The following SLC35E3 variants were observed in gnomAD, a reference collection of about 807,000 sequenced individuals.
The protein encoded by SLC35E3 is solute carrier family 35 member E3.
A neutral mutation model predicts 30.8 loss-of-function variants in SLC35E3; 28 were observed. The observed-to-expected ratio is 0.91, with a 90% CI of 0.67 to 1.25. The LOEUF (loss-of-function observed/expected upper bound fraction) is 1.25, where lower values mean the gene tolerates loss of function less well. Ranked by LOEUF, SLC35E3 falls within the 50% of genes most tolerant of loss-of-function variation. SLC35E3 has a pLI of 0.00. For synonymous variants in SLC35E3, 146 were observed against 149.2 expected (o/e 0.98, Z 0.16); for missense variants, 365 against 375.4 (o/e 0.97, Z 0.23).
In SLC35E3 at chr12:68,769,241, C is replaced by CAATAAT. The variant is rs10590682; in HGVS notation, c.*4366_*4371dup. On this transcript the variant is annotated 3_prime_UTR_variant, in exon 5 of 5. Transcript: ENST00000398004. ...TGGGCAACAGAGCAAGACTCCATCT[C>CAATAAT]AATAATAATAATAATAATAACAAAG... The CAATAAT allele has an allele frequency of 6.6e-6, 1 of 151,020 alleles. No homozygotes were observed. The highest frequency in any genetic ancestry group is 2.0e-4 in the East Asian group (1 of 5,108). 9.4% of individuals were successfully genotyped at this position (151,020 alleles called of 1,614,324 possible).
Position 68,762,844 on chromosome 12 carries a change from C to T in SLC35E3, c.756-1860C>T, listed in dbSNP as rs564681959. Among the ~76,000 whole-genome samples, 439 of 152,322 alleles carry T rather than the reference C, an allele frequency of 2.9e-3. 3 individuals are homozygous for T. The highest frequency in any genetic ancestry group is 6.3e-3 in the African/African-American group (263 of 41,566). ...TCAAGCCACCATATGCCCCTGGTGA[C>T]GCAGCCTGTGCTCTCCTGAGGCACT... On this transcript the variant is annotated intron_variant, in intron 4 of 4. Transcript: ENST00000398004.
chr12:68,767,580 T>C lies in SLC35E3; in HGVS notation c.*2690T>C, dbSNP rs1297895323. On this transcript the variant is annotated 3_prime_UTR_variant, in exon 5 of 5. Transcript: ENST00000398004. ...ATACCTTTTGATAAGACAGTAAATT[T>C]TATGTTTTGTGTTTTTTAACACAAT... 1.3e-5 allele frequency: 2 copies of C among 151,802 alleles called. No homozygotes were observed. The highest frequency in any genetic ancestry group is 4.8e-5 in the African/African-American group (2 of 41,346). 9.4% of individuals were successfully genotyped at this position (151,802 alleles called of 1,614,324 possible). A position where few individuals can be genotyped will look rare whatever the true frequency, so the allele number is the denominator to read the frequency against.
chr12:68,749,250 G>A (rs1308090321), intron 2 of SLC35E3, among the ~76,000 whole-genome samples: 2 of 152,146 alleles, frequency 1.3e-5, no homozygotes, highest in Non-Finnish European at 2.9e-5. Context: ...AGGAATGATT[G>A]TAGATTAATG....
At position 68,778,128 on chromosome 12, in the gene SLC35E3, A is replaced by AGGGCGG. The variant is rs1311719471; in HGVS notation, c.*13241_*13246dup. ...AGAGTGAGATCCTGTCTCAAAAAAA[A>AGGGCGG]GGGCGGGGTGCGGGGATTTTGGGTA... On this transcript the variant is annotated 3_prime_UTR_variant, in exon 5 of 5. Transcript: ENST00000398004. 3 of 152,152 alleles carry AGGGCGG rather than the reference A, an allele frequency of 2.0e-5. No individual in the cohort carries two copies. The highest frequency in any genetic ancestry group is 1.3e-4 in the Admixed American group (2 of 15,258). The allele number at this position is 152,152 out of a possible 1,614,324, so 9.4% of individuals were successfully genotyped here. A position where few individuals can be genotyped will look rare whatever the true frequency, so the allele number is the denominator to read the frequency against.
At chr12:68,758,510 C>T (rs1382165493) in intron 3 of SLC35E3, among the ~76,000 whole-genome samples, 1 of 151,702 alleles carries the variant, frequency 6.6e-6, no homozygotes, top group African/African-American at 2.4e-5. Flanking sequence ...ATTCTTTTTG[C>T]TTTTCTTTAT....
At chr12:68,753,472 AAAC>A (rs1030658823) in intron 3 of SLC35E3, among the ~76,000 whole-genome samples, 2 of 151,824 alleles carry the variant, frequency 1.3e-5, no homozygotes, top group Non-Finnish European at 2.9e-5. Flanking sequence ...AACCAAACCA[AAAC>A]AACAACAACA....
chr12:68,776,424 ACT>A lies in SLC35E3; in HGVS notation c.*11536_*11537del, dbSNP rs1353801013. The A allele has an allele frequency of 6.6e-6, 1 of 150,970 alleles. No individual in the cohort carries two copies. Among genetic ancestry groups the A allele is most frequent in the East Asian group, 1.9e-4 (1 of 5,148 alleles). The allele number at this position is 150,970 out of a possible 1,614,324, so 9.4% of individuals were successfully genotyped here. ...CTCACTCAGGAGGCTGAGGCAGGAA[ACT>A]CACATGAACCCTGGAGACGTAGGTT... On this transcript the variant is annotated 3_prime_UTR_variant, in exon 5 of 5. Transcript: ENST00000398004.
At chr12:68,752,334 G>C (rs1878835590) in intron 3 of SLC35E3, 144 bp downstream of exon 3, 7 of 909,386 alleles carry the variant, frequency 7.7e-6, no homozygotes, top group Non-Finnish European at 1.1e-5. Flanking sequence ...GTAAGGTAAG[G>C]ATTCTTTTTC....
Position 68,746,768 on chromosome 12 carries a change from C to T in SLC35E3, c.391C>T (p.Gln131Ter). Residue 131 changes from glutamine (Q) to a stop codon, truncating the protein, a stop_gained, in exon 1 of 5, where the codon CAG becomes TAG. Transcript: ENST00000398004. LOFTEE classifies it high-confidence loss of function. ...CYQKTFSTRIQLTLIPITLGV... is the reference protein window; with the variant it reads ...CYQKTFSTRI ...CCAGAAAACCTTCTCCACCAGAATCCAGCTCACGCTGGTGAGTAGCTTCAG... is the reference window on the plus strand; with the variant it reads ...CCAGAAAACCTTCTCCACCAGAATCTAGCTCACGCTGGTGAGTAGCTTCAG... 2.5e-6 allele frequency: 4 copies of T among 1,587,782 alleles called. No individual in the cohort carries two copies. The highest frequency in any genetic ancestry group is 3.4e-6 in the Non-Finnish European group (4 of 1,163,432).
intron 3 of SLC35E3, among the ~76,000 whole-genome samples, chr12:68,756,888 G>A (rs1416985262): frequency 6.6e-6 from 1 of 152,176 alleles, no homozygotes; most frequent in East Asian, 1.9e-4. Context: ...GGTGGCTGGT[G>A]CCTGTAGTCT....
rs934897579 is a variant in SLC35E3 at position 68,776,862 on chromosome 12, A to G, written c.*11972A>G. 1 of 152,162 alleles carries G rather than the reference A, an allele frequency of 6.6e-6. No individual in the cohort carries two copies. Among genetic ancestry groups the G allele is most frequent in the African/African-American group, 2.4e-5 (1 of 41,414 alleles). 9.4% of individuals were successfully genotyped at this position (152,162 alleles called of 1,614,324 possible). ...AATGAATGAACCAGTTCCAGCCAGG[A>G]ACAGACTTTCCCACCAAGTGGGAGG... On this transcript the variant is annotated 3_prime_UTR_variant, in exon 5 of 5. Transcript: ENST00000398004.
chr12:68,746,490 A>G lies in SLC35E3; in HGVS notation c.113A>G (p.Tyr38Cys), dbSNP rs1451929989. ...TTCCTCAACAAATGGATTTATGTGTACCACGGCTTCCCCAACATGAGCCTG... is the reference window on the plus strand; with the variant it reads ...TTCCTCAACAAATGGATTTATGTGTGCCACGGCTTCCCCAACATGAGCCTG... The part of the protein sequence containing the change: ...IVFLNKWIYV[Y>C]HGFPNMSLTL... The change falls in exon 1 of 5, where the codon TAC (tyrosine) becomes TGC (cysteine). Residue 38 changes from tyrosine (Y) to cysteine (C), a missense_variant. By Grantham distance (194) the Tyr-to-Cys change is radical. Coordinates refer to ENST00000398004, the MANE Select transcript of SLC35E3 (RefSeq NM_018656.5). 6.2e-7 allele frequency: 1 copy of G among 1,614,166 alleles called. No individual in the cohort carries two copies.
rs1879574596 is a variant in SLC35E3, at chr12:68,770,489, C to A, written c.*5599C>A. On this transcript the variant is annotated 3_prime_UTR_variant, in exon 5 of 5. Transcript: ENST00000398004. ...GAAATAATTGAGTAGCTGGAGTCAA[C>A]TGGACTGGAGATGGATTGGAAATGG... is the stretch of plus-strand genomic sequence containing the variant. 6.6e-6 allele frequency: 1 copy of A among 152,506 alleles called. No homozygotes were observed. The highest frequency in any genetic ancestry group is 6.6e-5 in the Admixed American group (1 of 15,256). 9.4% of individuals were successfully genotyped at this position (152,506 alleles called of 1,614,324 possible). A position where few individuals can be genotyped will look rare whatever the true frequency, so the allele number is the denominator to read the frequency against.
rs139237571 is a variant in SLC35E3 at position 68,765,055 on chromosome 12, G to A, written c.*165G>A. On this transcript the variant is annotated 3_prime_UTR_variant, in exon 5 of 5. Coordinates refer to ENST00000398004, the MANE Select transcript of SLC35E3 (RefSeq NM_018656.5). ...GCGGATCACTTGAGGTCAGGAGTTC[G>A]AGACCAGCCTGACCAACATGGAGAA... The A allele has an allele frequency of 7.1e-3, 3,841 of 537,624 alleles. 125 individuals carry two copies. The highest frequency in any genetic ancestry group is 0.065 in the African/African-American group (3,406 of 52,148). 33.3% of individuals were successfully genotyped at this position (537,624 alleles called of 1,614,324 possible). A position where few individuals can be genotyped will look rare whatever the true frequency, so the allele number is the denominator to read the frequency against.
chr12:68,760,983 A>G (rs1414031733), intron 4 of SLC35E3, among the ~76,000 whole-genome samples: 2 of 152,194 alleles, frequency 1.3e-5, no homozygotes, highest in Non-Finnish European at 2.9e-5. Flanking sequence ...ACGACATTTG[A>G]GTAAAGACCT....
rs1879880447 is a variant in SLC35E3 at position 68,781,439 on chromosome 12, T to C, written c.*16549T>C. The C allele has an allele frequency of 6.6e-6, 1 of 152,238 alleles. No individual in the cohort carries two copies. The highest frequency in any genetic ancestry group is 2.1e-4 in the South Asian group (1 of 4,828). 9.4% of individuals were successfully genotyped at this position (152,238 alleles called of 1,614,324 possible). ...TTGGAGATCCCATGACTACTCTGTT[T>C]TGCTAATAATAAACCAATACAGTGC... On this transcript the variant is annotated 3_prime_UTR_variant, in exon 5 of 5. Coordinates refer to ENST00000398004, the MANE Select transcript of SLC35E3 (RefSeq NM_018656.5).
At chr12:68,753,965 C>T (rs552424428) in intron 3 of SLC35E3, among the ~76,000 whole-genome samples, 20 of 152,112 alleles carry the variant, frequency 1.3e-4, no homozygotes, top group African/African-American at 4.1e-4. Context: ...GGTTCTCCTG[C>T]CTCAGACCCT....
rs1879563575 is a variant in SLC35E3 at position 68,770,111 on chromosome 12, T to A, written c.*5221T>A. On this transcript the variant is annotated 3_prime_UTR_variant, in exon 5 of 5. Transcript: ENST00000398004. ...TAGCTAGCTAGGCAGAGGGAGGGTATTGCATTCTGGAAAGAGGGAATAGCA... is the reference window on the plus strand; with the variant it reads ...TAGCTAGCTAGGCAGAGGGAGGGTAATGCATTCTGGAAAGAGGGAATAGCA... 1 of 152,110 alleles carries A rather than the reference T, an allele frequency of 6.6e-6. No homozygotes were observed. Among genetic ancestry groups the A allele is most frequent in the South Asian group, 2.1e-4 (1 of 4,830 alleles). 9.4% of individuals were successfully genotyped at this position (152,110 alleles called of 1,614,324 possible).
At chr12:68,759,444 C>A (rs1369044511) in intron 4 of SLC35E3, among the ~76,000 whole-genome samples, 1 of 152,140 alleles carries the variant, frequency 6.6e-6, no homozygotes, top group Non-Finnish European at 1.5e-5. Flanking sequence ...TGGCTCACAC[C>A]TGTAATCCCA....
Sources: allele counts gnomAD v4.1 joint callset (sites outside exome capture counted in the v4.1 genomes callset), GRCh38; gene constraint gnomAD v4.1.1; transcripts MANE v1.5; gene names NCBI Gene and HGNC (gene_info 2026-07-23, HGNC 2026-07-21).